The following RPS6KA2 variants were observed in gnomAD, a reference collection of about 807,000 sequenced individuals.
RPS6KA2 encodes the protein ribosomal protein S6 kinase A2, also known as ribosomal protein S6 kinase alpha-2.
In RPS6KA2, 42 loss-of-function variants were observed where a neutral mutation model predicts 91.8. The ratio of observed to expected loss-of-function variants is 0.46; its 90% confidence interval spans 0.36 to 0.59. The LOEUF is 0.59. Ranked by LOEUF, RPS6KA2 falls within the 20% of genes least tolerant of loss-of-function variation. RPS6KA2 has a pLI of 0.00. For missense variants in RPS6KA2, 798 were observed against 978.5 expected, an observed-to-expected ratio of 0.82 and a Z score of 2.46; for synonymous variants, 414 against 393.6, an observed-to-expected ratio of 1.05 and a Z score of -0.61.
Position 166,792,025 on chromosome 6 carries a change from T to C in RPS6KA2, c.123+66175A>G, listed in dbSNP as rs536353075. ...GAAATAACTAAGATCAGAACAGAAC[T>C]GAAGGAGATCGAGACACAAAAAAAA... On this transcript the variant is annotated intron_variant, in intron 2 of 21. Transcript: ENST00000503859. Among the ~76,000 whole-genome samples, 395 of 151,396 alleles carry C rather than the reference T, an allele frequency of 2.6e-3. 3 individuals are homozygous for C. The highest frequency in any genetic ancestry group is 0.01 in the Middle Eastern group (3 of 294).
At chr6:166,766,365 A>G (rs1778311534) in intron 2 of RPS6KA2, among the ~76,000 whole-genome samples, 1 of 152,248 alleles carries the variant, frequency 6.6e-6, no homozygotes, top group Admixed American at 6.5e-5. Flanking sequence ...TTTCAAATAT[A>G]ATTATTGTAC....
intron 2 of RPS6KA2, among the ~76,000 whole-genome samples, chr6:166,663,549 G>A (rs1788221939): frequency 6.6e-6 from 1 of 152,198 alleles, no homozygotes; most frequent in South Asian, 2.1e-4. Context: ...TCCCCTCTTT[G>A]GGTCTTTGGT....
intron 14 of RPS6KA2, among the ~76,000 whole-genome samples, chr6:166,442,405 CT>C (rs1779548082): frequency 1.3e-5 from 2 of 152,214 alleles, no homozygotes; most frequent in Admixed American, 1.3e-4. Flanking sequence ...CACTGACCGG[CT>C]GCGACTTCTC....
At chr6:166,805,817 G>A (rs189245924) in intron 2 of RPS6KA2, among the ~76,000 whole-genome samples, 1 of 151,838 alleles carries the variant, frequency 6.6e-6, no homozygotes, top group South Asian at 2.1e-4. Context: ...AGATCTACTA[G>A]ACAGACTTTA....
At chr6:166,417,332 G>T (rs1778565923) in intron 19 of RPS6KA2, among the ~76,000 whole-genome samples, 1 of 152,198 alleles carries the variant, frequency 6.6e-6, no homozygotes, top group Non-Finnish European at 1.5e-5. Context: ...TCTAGAGGTT[G>T]CTGTGAAGGT....
chr6:166,748,610 C>CCTCAGGCCCCCA, intron 2 of RPS6KA2, among the ~76,000 whole-genome samples: 4 of 49,538 alleles, frequency 8.1e-5, no homozygotes, highest in East Asian at 6.7e-4. Flanking sequence ...GCCCCCATTT[C>CCTCAGGCCCCCA]CCTGGGCCCC....
At chr6:166,742,904 A>G (rs1790856221) in intron 2 of RPS6KA2, among the ~76,000 whole-genome samples, 6 of 152,220 alleles carry the variant, frequency 3.9e-5, no homozygotes, top group Admixed American at 3.9e-4. Flanking sequence ...TGGAGGCACA[A>G]GTTGCTCTGA....
At position 166,504,493 on chromosome 6, in the gene RPS6KA2, T is replaced by C; in HGVS notation, c.566+13A>G. The C allele has an allele frequency of 6.4e-7, 1 of 1,568,332 alleles. No homozygotes were observed. Among genetic ancestry groups the C allele is most frequent in the Non-Finnish European group, 8.7e-7 (1 of 1,146,446 alleles). ...GGGCGTGGGGAAGTCAGCCCTAGTT[T>C]TTTCTCACTTACTTCTCAGGCTTCA... On this transcript the variant is annotated intron_variant, in intron 6 of 20. Coordinates refer to ENST00000265678, the MANE Select transcript of RPS6KA2 (RefSeq NM_021135.6).
At chr6:166,714,776 A>G (rs935916442) in intron 2 of RPS6KA2, among the ~76,000 whole-genome samples, 3 of 152,210 alleles carry the variant, frequency 2.0e-5, no homozygotes, top group African/African-American at 7.2e-5. Flanking sequence ...TCTGGATGGG[A>G]GAGAACAGAG....
chr6:166,809,006 G>A (rs960285182), intron 2 of RPS6KA2, among the ~76,000 whole-genome samples: 1 of 152,204 alleles, frequency 6.6e-6, no homozygotes, highest in Non-Finnish European at 1.5e-5. Flanking sequence ...ATCTTTACAA[G>A]TATGGTACTG....
rs1056168183 is a variant in RPS6KA2 at position 166,495,370 on chromosome 6, C to T, written c.747+3138G>A. Among the ~76,000 whole-genome samples the T allele has an allele frequency of 6.6e-6, 1 of 152,188 alleles. No homozygotes were observed. The highest frequency in any genetic ancestry group is 1.9e-4 in the East Asian group (1 of 5,188). ...CGAGACATTGAATGCGGGACGATCC[C>T]AGCAAACAAGTGAACAATTCAGTAA... On this transcript the variant is annotated intron_variant, in intron 8 of 20. Coordinates refer to ENST00000265678, the MANE Select transcript of RPS6KA2 (RefSeq NM_021135.6). This position sits in a 1 kb window ranked among gnomAD's most constrained non-coding sequence, Gnocchi z 4.4.
intron 1 of RPS6KA2, among the ~76,000 whole-genome samples, chr6:166,572,569 C>T (rs1204995314): frequency 2.0e-5 from 3 of 152,218 alleles, no homozygotes; most frequent in Admixed American, 1.3e-4. Context: ...CTCTCATTGC[C>T]GGCTGCTTTC....
chr6:166,723,290 G>A (rs1790232086), intron 2 of RPS6KA2, among the ~76,000 whole-genome samples: 1 of 152,264 alleles, frequency 6.6e-6, no homozygotes, highest in South Asian at 2.1e-4. Flanking sequence ...CAGCTGAGGT[G>A]CCGCAGTGAA....
chr6:166,681,639 T>C (rs1248062176), intron 2 of RPS6KA2, among the ~76,000 whole-genome samples: 1 of 151,260 alleles, frequency 6.6e-6, no homozygotes, highest in Non-Finnish European at 1.5e-5. Context: ...TTCCTTCCTT[T>C]TGTGATTCCA....
chr6:166,858,993 C>A (rs910139219), intron 1 of RPS6KA2, among the ~76,000 whole-genome samples: 5 of 146,008 alleles, frequency 3.4e-5, no homozygotes, highest in Admixed American at 2.1e-4. Context: ...CAGCCATCAG[C>A]ACCGGCTGCC....
chr6:166,624,108 T>G (rs1016568657), intron 1 of RPS6KA2, among the ~76,000 whole-genome samples: 2 of 152,134 alleles, frequency 1.3e-5, no homozygotes, highest in Non-Finnish European at 2.9e-5. Flanking sequence ...TGAAAATAAA[T>G]AAAATCAAGT....
rs200753346 is a variant in RPS6KA2 at position 166,626,988 on chromosome 6, C to A, written c.32G>T (p.Arg11Leu). The change falls in exon 1 of 21, where the codon CGC becomes CTC. Residue 11 changes from arginine to leucine, a missense_variant. Physicochemically the swap from Arg to Leu is moderately radical, Grantham distance 102. Coordinates refer to ENST00000265678, the MANE Select transcript of RPS6KA2 (RefSeq NM_021135.6). This position sits in a 1 kb window ranked among gnomAD's most constrained non-coding sequence, Gnocchi z 4.1. ...GCGCAGGTACACAGAGAAGAACCTG[C>A]GCACGGCGAACTTCTTCATGCTCAG... MDLSMKKFAV[R>L]RFFSVYLRRK... 6.4e-6 allele frequency: 10 copies of A among 1,551,768 alleles called. No homozygotes were observed. Among genetic ancestry groups the A allele is most frequent in the South Asian group, 5.9e-5 (5 of 84,724 alleles).
rs573106617 is a variant in RPS6KA2, at chr6:166,500,267, C to A, written c.604+620G>T. Among the ~76,000 whole-genome samples the A allele has an allele frequency of 3.1e-4, 47 of 152,296 alleles. No homozygotes were observed. The highest frequency in any genetic ancestry group is 1.1e-3 in the African/African-American group (47 of 41,558). On this transcript the variant is annotated intron_variant, in intron 7 of 20. Transcript: ENST00000265678. The surrounding 1 kb of genome is among the most constrained non-coding windows in gnomAD (Gnocchi z 4.3). ...GATAAGTTTGTGTGGTTTAAAGCCC[C>A]GATGTTCCTGGCATTTTGTTGCAGA...
chr6:166,721,769 A>G (rs1048074156), intron 2 of RPS6KA2, among the ~76,000 whole-genome samples: 15 of 152,154 alleles, frequency 9.9e-5, no homozygotes, highest in Non-Finnish European at 1.5e-5. Flanking sequence ...CTCCCGCCCC[A>G]CCTTGCAACC....
Sources: allele counts gnomAD v4.1 joint callset (sites outside exome capture counted in the v4.1 genomes callset), GRCh38; gene constraint gnomAD v4.1.1; non-coding constraint Gnocchi (gnomAD v3.1); transcripts MANE v1.5; gene names NCBI Gene and HGNC (gene_info 2026-07-23, HGNC 2026-07-21).